GRIK4: variants seen among roughly 807,000 people sequenced by gnomAD.
GRIK4 encodes the protein glutamate receptor ionotropic, kainate 4.
A neutral mutation model predicts 104.9 loss-of-function variants in GRIK4; 40 were observed. The observed-to-expected ratio is 0.38, with a 90% CI of 0.30 to 0.50. The LOEUF is 0.50. Among genes scored for constraint, GRIK4 ranks in the 20% least tolerant of loss-of-function variants. The pLI, the probability that GRIK4 is intolerant of heterozygous loss-of-function variation, is 0.93. For missense variants in GRIK4, 1,047 were observed against 1,308.1 expected (o/e 0.80, Z 3.08); for synonymous variants, 485 against 524.9 (o/e 0.92, Z 1.04).
At chr11:120,686,526 T>C (rs938365391) in intron 3 of GRIK4, among the ~76,000 whole-genome samples, 3 of 152,218 alleles carry the variant, frequency 2.0e-5, no homozygotes, top group Non-Finnish European at 4.4e-5. Context: ...ACAGTGCCTG[T>C]GTACCATACC....
At chr11:120,782,452 A>C (rs1399134653) in intron 3 of GRIK4, among the ~76,000 whole-genome samples, 1 of 151,832 alleles carries the variant, frequency 6.6e-6, no homozygotes, top group Non-Finnish European at 1.5e-5. Flanking sequence ...TACCTGACTA[A>C]TTTTTTGTAT....
intron 19 of GRIK4, among the ~76,000 whole-genome samples, chr11:120,981,003 G>A (rs890930729): frequency 6.3e-5 from 9 of 142,044 alleles, no homozygotes; most frequent in South Asian, 2.3e-4. Flanking sequence ...AGTGCCGTGC[G>A]AAGCTGACTG....
At chr11:120,560,528 G>A (rs1299475376) in intron 1 of GRIK4, among the ~76,000 whole-genome samples, 7 of 152,204 alleles carry the variant, frequency 4.6e-5, no homozygotes, top group Non-Finnish European at 8.8e-5. Context: ...ATGTATATGT[G>A]TGTATATGGT....
chr11:120,705,730 T>TAGTTA (rs1472441742), intron 3 of GRIK4, among the ~76,000 whole-genome samples: 1 of 152,200 alleles, frequency 6.6e-6, no homozygotes, highest in African/African-American at 2.4e-5. Context: ...TTTACCTCCT[T>TAGTTA]AGTTAAATTT....
chr11:120,721,830 G>C (rs1950938424), intron 3 of GRIK4, among the ~76,000 whole-genome samples: 1 of 152,148 alleles, frequency 6.6e-6, no homozygotes, highest in African/African-American at 2.4e-5. Context: ...GGGTCAGCAA[G>C]ACCCCAAGAT....
chr11:120,814,337 T>G (rs900614378), intron 4 of GRIK4, among the ~76,000 whole-genome samples: 1 of 152,156 alleles, frequency 6.6e-6, no homozygotes, highest in African/African-American at 2.4e-5. Flanking sequence ...CGGTGGCTCA[T>G]GCCTGTAATC....
At chr11:120,884,999 A>G (rs114552301) in intron 11 of GRIK4, among the ~76,000 whole-genome samples, 3,186 of 152,338 alleles carry the variant, frequency 0.021, 106 homozygotes, top group African/African-American at 0.071. Context: ...CGTGAGTTCA[A>G]TTGGCATCTG....
At chr11:120,724,819 C>T (rs533453978) in intron 3 of GRIK4, among the ~76,000 whole-genome samples, 1 of 152,314 alleles carries the variant, frequency 6.6e-6, no homozygotes, top group South Asian at 2.1e-4. Flanking sequence ...CAAAATTGTG[C>T]ACCATTTTGG....
chr11:120,936,164 T>C (rs1488730456), intron 13 of GRIK4: 2 of 203,272 alleles, frequency 9.8e-6, no homozygotes, highest in Non-Finnish European at 2.1e-5. Flanking sequence ...CATCGGACTT[T>C]CTTTTAGCTC....
At chr11:120,978,003 T>C (rs972472889) in intron 19 of GRIK4, among the ~76,000 whole-genome samples, 2 of 152,228 alleles carry the variant, frequency 1.3e-5, no homozygotes, top group East Asian at 3.8e-4. Flanking sequence ...CTGTCATGTT[T>C]TACCGTTATT....
chr11:120,573,928 C>T (rs775389685), intron 1 of GRIK4, among the ~76,000 whole-genome samples: 68 of 152,338 alleles, frequency 4.5e-4, no homozygotes, highest in Non-Finnish European at 8.4e-4. Flanking sequence ...GCAGGGCCTT[C>T]GGGCTCCTGC....
intron 6 of GRIK4, among the ~76,000 whole-genome samples, chr11:120,823,011 G>A (rs768641275): frequency 1.3e-5 from 2 of 152,194 alleles, no homozygotes; most frequent in Non-Finnish European, 2.9e-5. Context: ...ATCGAATGGT[G>A]TAACAGGCTC....
At chr11:120,554,825 C>T (rs543487661) in intron 1 of GRIK4, among the ~76,000 whole-genome samples, 32 of 152,322 alleles carry the variant, frequency 2.1e-4, no homozygotes, top group African/African-American at 6.7e-4. Flanking sequence ...TCCCAAAATG[C>T]TGGGATTACA....
chr11:120,966,314 T>C (rs558447414), intron 18 of GRIK4, among the ~76,000 whole-genome samples: 6 of 152,254 alleles, frequency 3.9e-5, no homozygotes, highest in African/African-American at 1.4e-4. Context: ...GTGACTTCTC[T>C]GGATAAACAG....
intron 3 of GRIK4, among the ~76,000 whole-genome samples, chr11:120,753,361 G>A (rs1265331629): frequency 1.3e-5 from 2 of 151,376 alleles, no homozygotes; most frequent in African/African-American, 4.9e-5. Flanking sequence ...GCTAGGGGAA[G>A]ACAAAGTGAA....
chr11:120,847,079 G>T (rs1024763402), intron 8 of GRIK4, among the ~76,000 whole-genome samples: 1 of 152,220 alleles, frequency 6.6e-6, no homozygotes, highest in Non-Finnish European at 1.5e-5. Context: ...TCCAGTTCGT[G>T]CCAAGGTGCT....
intron 15 of GRIK4, among the ~76,000 whole-genome samples, chr11:120,954,476 G>A (rs369720588): frequency 6.6e-6 from 1 of 151,960 alleles, no homozygotes; most frequent in African/African-American, 2.4e-5. Context: ...GGCTGTCTCC[G>A]TGAGCCTGGT....
intron 3 of GRIK4, among the ~76,000 whole-genome samples, chr11:120,783,775 C>T (rs1952209417): frequency 1.3e-5 from 2 of 152,116 alleles, no homozygotes; most frequent in Admixed American, 1.3e-4. Context: ...TTCATGCAGA[C>T]AGCATGAGTT....
chr11:120,963,987 A>ATTT (rs1420312807), intron 18 of GRIK4, among the ~76,000 whole-genome samples: 3 of 10,868 alleles, frequency 2.8e-4, no homozygotes, highest in African/African-American at 1.0e-3. Flanking sequence ...TTATTTATTT[A>ATTT]TTTATTTATT....
Sources: gnomAD v4.1 joint callset for allele counts (sites outside exome capture counted in the v4.1 genomes callset) on GRCh38, gnomAD v4.1.1 for gene constraint, MANE v1.5 for transcripts, NCBI Gene and HGNC (gene_info 2026-07-23, HGNC 2026-07-21) for gene names.